Variants in AZI2 observed in about 807,000 individuals in gnomAD.
The protein encoded by AZI2 is 5-azacytidine induced 2, also known as 5-azacytidine-induced protein 2.
A neutral mutation model predicts 45.8 loss-of-function variants in AZI2; 22 were observed. That is an observed-to-expected ratio of 0.48 (90% CI 0.34 to 0.69). The LOEUF is 0.69. AZI2 is among the 30% of genes least tolerant of loss of function. The probability of loss-of-function intolerance (pLI) is 0.01; values close to 1 mark genes in which losing one functional copy is unlikely to be tolerated. For missense variants in AZI2, 417 were observed against 441.5 expected (o/e 0.94, Z 0.50); for synonymous variants, 137 against 156.7 (o/e 0.87, Z 0.94).
intron 2 of AZI2, 74 bp downstream of exon 2, chr3:28,340,328 A>T (rs1703962073): frequency 9.7e-7 from 1 of 1,030,430 alleles, no homozygotes; most frequent in East Asian, 2.6e-5. Flanking sequence ...CAGGACAAAA[A>T]GTATTCAAAA....
chr3:28,334,658 C>T (rs1703717738), intron 5 of AZI2, among the ~76,000 whole-genome samples: 1 of 151,892 alleles, frequency 6.6e-6, no homozygotes, highest in Non-Finnish European at 1.5e-5. Context: ...TCTTCTACCT[C>T]TAAAAGTCTG....
intron 5 of AZI2, 109 bp downstream of exon 5, chr3:28,336,628 A>C (rs533309466): frequency 1.7e-6 from 2 of 1,200,196 alleles, no homozygotes; most frequent in Admixed American, 2.7e-5. Flanking sequence ...ACATTCTCTA[A>C]ATAATTACAA....
At chr3:28,343,433 G>A (rs1704105635) in intron 1 of AZI2, among the ~76,000 whole-genome samples, 1 of 151,936 alleles carries the variant, frequency 6.6e-6, no homozygotes, top group South Asian at 2.1e-4. Flanking sequence ...AACTGAGATG[G>A]TCCTTCCTGG....
rs1439576389 is a variant in AZI2 at position 28,322,946 on chromosome 3, C to T, written c.*1096G>A. 1.3e-5 allele frequency: 2 copies of T among 151,064 alleles called. No homozygotes were observed. Among genetic ancestry groups the T allele is most frequent in the East Asian group, 3.9e-4 (2 of 5,148 alleles). The allele number at this position is 151,064 out of a possible 1,614,324, so 9.4% of individuals were successfully genotyped here. On this transcript the variant is annotated 3_prime_UTR_variant, in exon 8 of 8. Transcript: ENST00000479665. The stretch of plus-strand genomic sequence containing the variant: ...TGTATGAACCAAGTAAATCTCCACC[C>T]TGAAAGAACTTAAATTTCCATGTGA...
At chr3:28,338,839 ATAATTC>A (rs1703901033) in intron 2 of AZI2, among the ~76,000 whole-genome samples, 1 of 152,182 alleles carries the variant, frequency 6.6e-6, no homozygotes, top group Non-Finnish European at 1.5e-5. Context: ...TCAGTATTTT[ATAATTC>A]ATGGTGTCTG....
intron 6 of AZI2, among the ~76,000 whole-genome samples, chr3:28,328,753 G>T (rs1187258472): frequency 6.6e-6 from 1 of 151,212 alleles, no homozygotes; most frequent in Non-Finnish European, 1.5e-5. Context: ...TCTCCCTCTT[G>T]TGGATAAGAA....
chr3:28,338,289 A>C (rs1703878621), intron 3 of AZI2, among the ~76,000 whole-genome samples: 1 of 151,970 alleles, frequency 6.6e-6, no homozygotes, highest in Admixed American at 6.6e-5. Flanking sequence ...TGTTAGATGT[A>C]TTTAAGTCCT....
intron 6 of AZI2, 118 bp downstream of exon 6, chr3:28,332,251 C>T (rs1703607764): frequency 1.2e-6 from 1 of 817,442 alleles, no homozygotes; most frequent in Non-Finnish European, 2.0e-6. Context: ...ACATCAGTAT[C>T]CAAACAATAT....
intron 6 of AZI2, among the ~76,000 whole-genome samples, chr3:28,331,189 C>G (rs1278327779): frequency 6.6e-6 from 1 of 151,298 alleles, no homozygotes; most frequent in Non-Finnish European, 1.5e-5. Flanking sequence ...TATATAGCCC[C>G]TGTATTTGAT....
chr3:28,332,764 C>T (rs1357232836), intron 5 of AZI2, among the ~76,000 whole-genome samples: 2 of 151,710 alleles, frequency 1.3e-5, no homozygotes, highest in Admixed American at 1.3e-4. Flanking sequence ...ACATTTGTCA[C>T]ATTTCTGTTT....
At position 28,331,726 on chromosome 3, in the gene AZI2, T is replaced by C. The variant is rs944215431; in HGVS notation, c.647+643A>G. The C allele has an allele frequency of 1.0e-5, 14 of 1,387,406 alleles. No individual in the cohort carries two copies. The East Asian group carries it at 3.4e-4, about 33-fold the overall frequency. The allele number at this position is 1,387,406 out of a possible 1,614,324, so 85.9% of individuals were successfully genotyped here. A position where few individuals can be genotyped will look rare whatever the true frequency, so the allele number is the denominator to read the frequency against. On this transcript the variant is annotated intron_variant, in intron 6 of 7. Coordinates refer to ENST00000479665, the MANE Select transcript of AZI2 (RefSeq NM_022461.5). ...TTTTTTATTGGATGGAGGGTAACAA[T>C]GTAGAGAGGCTATCTTAACATAGTA... is the stretch of plus-strand genomic sequence containing the variant.
At chr3:28,342,408 G>C (rs1704051682) in intron 1 of AZI2, among the ~76,000 whole-genome samples, 2 of 151,944 alleles carry the variant, frequency 1.3e-5, no homozygotes, top group South Asian at 4.1e-4. Flanking sequence ...AACAAGAATA[G>C]ACTATGCTAT....
At chr3:28,335,488 T>C (rs1047879772) in intron 5 of AZI2, among the ~76,000 whole-genome samples, 2 of 151,932 alleles carry the variant, frequency 1.3e-5, no homozygotes, top group African/African-American at 2.4e-5. Context: ...ACTTTGTAAG[T>C]AGGAAAAAAA....
At position 28,324,433 on chromosome 3, in the gene AZI2, C is replaced by A; in HGVS notation, c.788G>T (p.Ser263Ile). ...TGTGCTGTCTCTTCCAAGGTCTTCA[C>A]TGCATCCTACAGGGGCACAGGCTAA... ...IKKACAPVGC[S>I]EDLGRDSTKL... is the part of the protein sequence containing the mutation. Residue 263 changes from serine to isoleucine, a missense_variant, in exon 8 of 8, where the codon AGT (serine) becomes ATT (isoleucine). Physicochemically the swap from Ser to Ile is moderately radical, Grantham distance 142 (BLOSUM62 -2). Coordinates refer to ENST00000479665, the MANE Select transcript of AZI2 (RefSeq NM_022461.5). 2 of 1,509,800 alleles carry A rather than the reference C, an allele frequency of 1.3e-6. No homozygotes were observed. The highest frequency in any genetic ancestry group is 1.8e-6 in the Non-Finnish European group (2 of 1,127,338). The allele number at this position is 1,509,800 out of a possible 1,614,324, so 93.5% of individuals were successfully genotyped here.
chr3:28,324,232 C>G lies in AZI2; in HGVS notation c.989G>C (p.Gly330Ala). ...AGAACTGTGTTCCTGAAAGCATGTA[C>G]CATCATTAGGAATGGATCTCTCATT... ...TDNERSIPND[G>A]TCFQEHSSYG... The change falls in exon 8 of 8, where the codon GGT (glycine) becomes GCT (alanine). Residue 330 changes from glycine (G) to alanine (A), a missense_variant. Coordinates refer to ENST00000479665, the MANE Select transcript of AZI2 (RefSeq NM_022461.5). The G allele has an allele frequency of 6.2e-7, 1 of 1,610,310 alleles. No individual in the cohort carries two copies. Among genetic ancestry groups the G allele is most frequent in the Non-Finnish European group, 8.5e-7 (1 of 1,177,506 alleles).
chr3:28,327,231 CTG>C (rs2125639403), intron 6 of AZI2, among the ~76,000 whole-genome samples: 1 of 151,118 alleles, frequency 6.6e-6, no homozygotes, highest in South Asian at 2.1e-4. Context: ...AGTCTCAGAA[CTG>C]AGATTTCATT....
intron 7 of AZI2, among the ~76,000 whole-genome samples, chr3:28,326,165 A>C (rs1703379408): frequency 6.6e-6 from 1 of 151,096 alleles, no homozygotes; most frequent in African/African-American, 2.4e-5. Flanking sequence ...ACTAGGTACA[A>C]ATGTACTGAT....
Position 28,323,308 on chromosome 3 carries a change from A to AG in AZI2, c.*733dup, listed in dbSNP as rs1013343328. On this transcript the variant is annotated 3_prime_UTR_variant, in exon 8 of 8. Coordinates refer to ENST00000479665, the MANE Select transcript of AZI2 (RefSeq NM_022461.5). ...TTCTACTACTTATTGAATAGTGTGTAGGGTTACAATCATTTGTTTACACCC... is the reference window on the plus strand; with the variant it reads ...TTCTACTACTTATTGAATAGTGTGTAGGGGTTACAATCATTTGTTTACACCC... 1 of 150,550 alleles carries AG rather than the reference A, an allele frequency of 6.6e-6. No homozygotes were observed. Among genetic ancestry groups the AG allele is most frequent in the Non-Finnish European group, 1.5e-5 (1 of 67,122 alleles). The allele number at this position is 150,550 out of a possible 1,614,324, so 9.3% of individuals were successfully genotyped here.
At chr3:28,337,576 T>C (rs1204627188) in intron 4 of AZI2, among the ~76,000 whole-genome samples, 1 of 152,136 alleles carries the variant, frequency 6.6e-6, no homozygotes, top group East Asian at 1.9e-4. Context: ...TTCACAGCAG[T>C]GTGTTTAACT....
Sources: gnomAD v4.1 joint callset for allele counts (sites outside exome capture counted in the v4.1 genomes callset) on GRCh38, gnomAD v4.1.1 for gene constraint, MANE v1.5 for transcripts, NCBI Gene and HGNC (gene_info 2026-07-23, HGNC 2026-07-21) for gene names.